UNC13C: variants seen among roughly 807,000 people sequenced by gnomAD.
UNC13C encodes the protein unc-13 homolog C.
In UNC13C, 174 loss-of-function variants were observed where a neutral mutation model predicts 245.4. That is an observed-to-expected ratio of 0.71 (90% CI 0.63 to 0.80). The LOEUF (loss-of-function observed/expected upper bound fraction) is 0.80, where lower values mean the gene tolerates loss of function less well. UNC13C is among the 30% of genes least tolerant of loss of function. The pLI is 0.00. For synonymous variants in UNC13C, 992 were observed against 895.1 expected (o/e 1.11, Z -1.93); for missense variants, 2,829 against 2,602.9 (o/e 1.09, Z -1.89).
the UNC13C span, among the ~76,000 whole-genome samples, chr15:53,888,452 C>A: frequency 6.6e-6 from 1 of 152,052 alleles, no homozygotes; most frequent in Non-Finnish European, 1.5e-5. Flanking sequence ...GATATTAGCC[C>A]TTTGTCAGAT....
intron 4 of UNC13C, among the ~76,000 whole-genome samples, chr15:54,212,894 C>T (rs2034926661): frequency 1.3e-5 from 2 of 152,050 alleles, no homozygotes; most frequent in African/African-American, 2.4e-5. Flanking sequence ...TAGGAACAAA[C>T]AGTACTTTTT....
chr15:53,896,694 C>T, the UNC13C span, among the ~76,000 whole-genome samples: 2 of 152,072 alleles, frequency 1.3e-5, no homozygotes, highest in Non-Finnish European at 2.9e-5. Flanking sequence ...TGTTTCTCAG[C>T]CTCCCTAAAG....
At chr15:54,175,575 C>T (rs1013853169) in intron 4 of UNC13C, among the ~76,000 whole-genome samples, 2 of 141,650 alleles carry the variant, frequency 1.4e-5, no homozygotes, top group African/African-American at 2.7e-5. Context: ...CGTAGTGGCG[C>T]GATCTCGGCT....
At chr15:54,473,245 A>G (rs1001492444) in intron 19 of UNC13C, among the ~76,000 whole-genome samples, 1 of 151,810 alleles carries the variant, frequency 6.6e-6, no homozygotes, top group Non-Finnish European at 1.5e-5. Flanking sequence ...CATAATAATT[A>G]TACATATGTA....
rs1394719104 is a variant in UNC13C at position 54,525,337 on chromosome 15, CA to C, written c.5458-209del. Among the ~76,000 whole-genome samples the C allele has an allele frequency of 2.7e-5, 4 of 149,008 alleles. No individual in the cohort carries two copies. The East Asian group carries it at 7.9e-4, about 30-fold the overall frequency. On this transcript the variant is annotated intron_variant, in intron 24 of 32. Coordinates refer to ENST00000260323, the MANE Select transcript of UNC13C (RefSeq NM_001080534.3). The stretch of plus-strand genomic sequence containing the variant: ...TTACTTGTATGCATGCCCTGCATTT[CA>C]AACAATTTTTTGTATATGAGAACCC...
At chr15:54,387,750 T>A (rs1025002963) in intron 17 of UNC13C, among the ~76,000 whole-genome samples, 7 of 152,214 alleles carry the variant, frequency 4.6e-5, no homozygotes, top group Non-Finnish European at 1.0e-4. Context: ...TTTAATATTA[T>A]TTTATCTTGC....
intron 18 of UNC13C, among the ~76,000 whole-genome samples, chr15:54,405,929 A>G (rs554383611): frequency 1.3e-5 from 2 of 152,228 alleles, no homozygotes; most frequent in South Asian, 4.1e-4. Flanking sequence ...AGGTATTGAG[A>G]AGACTGTGTA....
rs1258992767 is a variant in UNC13C at position 54,109,364 on chromosome 15, G to C, written c.2984-33654G>C. 1.2e-4 allele frequency among the ~76,000 whole-genome samples: 7 copies of C among 60,782 alleles called. No homozygotes were observed. The Admixed American group carries it at 1.8e-3, about 16-fold the overall frequency. The allele number at this position is 60,782 out of a possible 152,430, so 39.9% of individuals were successfully genotyped here. On this transcript the variant is annotated intron_variant, in intron 2 of 32. Coordinates refer to ENST00000260323, the MANE Select transcript of UNC13C (RefSeq NM_001080534.3). ...TTTCTTTCCTTTTTTTTTTTTTTTT[G>C]ACAGTCTTGCTCTGTCGCCCAGGCT...
At position 54,294,019 on chromosome 15, in the gene UNC13C, G is replaced by C; in HGVS notation, c.3943G>C (p.Glu1315Gln). Residue 1315 changes from glutamate to glutamine, a missense_variant, in exon 11 of 33, where the codon GAA (glutamate) becomes CAA (glutamine). Coordinates refer to ENST00000260323, the MANE Select transcript of UNC13C (RefSeq NM_001080534.3). ...SDDFLGQTIV[E>Q]VRTLSGEMDV... is the part of the protein sequence containing the mutation. ...TGATTTTCTGGGACAAACAATTGTA[G>C]AAGTGAGGACCTTGAGTGGAGAAAT... is the stretch of plus-strand genomic sequence containing the variant. 3 of 1,592,158 alleles carry C rather than the reference G, an allele frequency of 1.9e-6. No individual in the cohort carries two copies. The highest frequency in any genetic ancestry group is 2.6e-6 in the Non-Finnish European group (3 of 1,170,752).
chr15:54,261,522 G>GTTTTGT (rs1555439906), intron 8 of UNC13C, among the ~76,000 whole-genome samples: 1 of 150,566 alleles, frequency 6.6e-6, no homozygotes, highest in Admixed American at 6.6e-5. Context: ...ATTTTTGTTT[G>GTTTTGT]TTTGTTTTGT....
chr15:54,360,886 G>A (rs146858124), intron 17 of UNC13C, among the ~76,000 whole-genome samples: 3 of 152,224 alleles, frequency 2.0e-5, no homozygotes, highest in African/African-American at 7.2e-5. Context: ...GCTGTTTTAA[G>A]TATTCTTTAT....
At chr15:53,856,455 A>G in the UNC13C span, among the ~76,000 whole-genome samples, 1 of 151,948 alleles carries the variant, frequency 6.6e-6, no homozygotes. Flanking sequence ...GTGCTATAAC[A>G]TTGCTTTAGC....
At chr15:54,566,966 T>C (rs1897542546) in intron 29 of UNC13C, among the ~76,000 whole-genome samples, 1 of 152,116 alleles carries the variant, frequency 6.6e-6, no homozygotes, top group Non-Finnish European at 1.5e-5. Context: ...GAGAACCGTT[T>C]ATCTAAACTT....
At chr15:54,321,545 A>C in intron 13 of UNC13C, 1 of 447,018 alleles carries the variant, frequency 2.2e-6, no homozygotes, top group Non-Finnish European at 4.4e-6. Context: ...GTTTCTCATT[A>C]CCACATAGCC....
At chr15:53,901,242 T>A in the UNC13C span, among the ~76,000 whole-genome samples, 2 of 144,226 alleles carry the variant, frequency 1.4e-5, no homozygotes, top group Non-Finnish European at 3.0e-5. Context: ...TTTTTTGAGA[T>A]GCAGTCTCAC....
chr15:54,233,700 T>C (rs1421114917), intron 4 of UNC13C, among the ~76,000 whole-genome samples: 2 of 152,186 alleles, frequency 1.3e-5, no homozygotes, highest in Non-Finnish European at 2.9e-5. Context: ...AGTTTCCTTA[T>C]ATTAAGCTAA....
intron 1 of UNC13C, among the ~76,000 whole-genome samples, chr15:54,003,085 G>C (rs564836224): frequency 6.6e-6 from 1 of 152,246 alleles, no homozygotes; most frequent in South Asian, 2.1e-4. Flanking sequence ...GTTTCTGAAG[G>C]CCGCAATTTT....
intron 8 of UNC13C, among the ~76,000 whole-genome samples, chr15:54,261,933 C>T (rs75354816): frequency 0.028 from 4,188 of 152,182 alleles, 209 homozygotes; most frequent in African/African-American, 0.098. Context: ...CTGCTGTCCA[C>T]CGATTGGCAA....
At chr15:53,919,307 T>A in the UNC13C span, among the ~76,000 whole-genome samples, 2 of 152,188 alleles carry the variant, frequency 1.3e-5, no homozygotes, top group African/African-American at 4.8e-5. Flanking sequence ...TGCTCAGTGA[T>A]GTGTCTGGCA....
Sources: allele counts gnomAD v4.1 joint callset (sites outside exome capture counted in the v4.1 genomes callset), GRCh38; gene constraint gnomAD v4.1.1; transcripts MANE v1.5; gene names NCBI Gene and HGNC (gene_info 2026-07-23, HGNC 2026-07-21).